Variants in NFATC3 observed in about 807,000 individuals in gnomAD.
NFATC3 encodes the protein nuclear factor of activated T-cells, cytoplasmic 3.
NFATC3 carries 46 observed loss-of-function variants against 98.6 expected under a neutral mutation model. That is an observed-to-expected ratio of 0.47 (90% CI 0.37 to 0.60). The LOEUF (loss-of-function observed/expected upper bound fraction) is 0.60, where lower values mean the gene tolerates loss of function less well. Among genes scored for constraint, NFATC3 ranks in the 20% least tolerant of loss-of-function variants. The probability of loss-of-function intolerance (pLI) is 0.00; values close to 1 mark genes in which losing one functional copy is unlikely to be tolerated. For missense variants in NFATC3, 1,256 were observed against 1,295.5 expected, an observed-to-expected ratio of 0.97 and a Z score of 0.47; for synonymous variants, 512 against 472.2, an observed-to-expected ratio of 1.08 and a Z score of -1.09.
rs1406183803 is a variant in NFATC3 at position 68,107,071 on chromosome 16, A to G, written c.104-14916A>G. Among the ~76,000 whole-genome samples, 3 of 152,134 alleles carry G rather than the reference A, an allele frequency of 2.0e-5. No homozygotes were observed. The South Asian group carries it at 6.2e-4, about 31-fold the overall frequency. On this transcript the variant is annotated intron_variant, in intron 1 of 9. Coordinates refer to ENST00000346183, the MANE Select transcript of NFATC3 (RefSeq NM_173165.3). ...AGGATAATGGCTTCCAGCTCCATCC[A>G]TGATCTCATTCTTTTTATGGCTGCA... is the stretch of plus-strand genomic sequence containing the variant.
At chr16:68,134,919 A>G (rs1015928139) in intron 3 of NFATC3, among the ~76,000 whole-genome samples, 2 of 152,194 alleles carry the variant, frequency 1.3e-5, no homozygotes, top group Non-Finnish European at 2.9e-5. Context: ...GTAATGTGGT[A>G]ACTTAATATT....
At chr16:68,092,552 G>C (rs768570237) in intron 1 of NFATC3, among the ~76,000 whole-genome samples, 11 of 116,798 alleles carry the variant, frequency 9.4e-5, no homozygotes, top group Non-Finnish European at 1.7e-4. Flanking sequence ...ACGAGGTCAG[G>C]AGTTCGAGAC....
At chr16:68,220,069 T>C (rs1250196126) in intron 9 of NFATC3, among the ~76,000 whole-genome samples, 1 of 152,246 alleles carries the variant, frequency 6.6e-6, no homozygotes, top group African/African-American at 2.4e-5. Flanking sequence ...TCTACTTTTG[T>C]TGTGGTGGCA....
At chr16:68,206,309 C>T (rs1251049761) in intron 9 of NFATC3, among the ~76,000 whole-genome samples, 1 of 152,146 alleles carries the variant, frequency 6.6e-6, no homozygotes, top group Admixed American at 6.6e-5. Context: ...TAAATACATT[C>T]ACAATATTGT....
chr16:68,094,607 C>T (rs1376703167), intron 1 of NFATC3, among the ~76,000 whole-genome samples: 1 of 151,932 alleles, frequency 6.6e-6, no homozygotes, highest in Non-Finnish European at 1.5e-5. Flanking sequence ...TTGTACATAC[C>T]CAGTTGTCTC....
At chr16:68,194,982 G>A (rs1049868815) in intron 9 of NFATC3, among the ~76,000 whole-genome samples, 3 of 152,064 alleles carry the variant, frequency 2.0e-5, no homozygotes, top group Non-Finnish European at 2.9e-5. Context: ...GCCAGGTGCC[G>A]TGGCTCATGC....
At chr16:68,210,574 C>G (rs921005180) in intron 9 of NFATC3, among the ~76,000 whole-genome samples, 1 of 152,032 alleles carries the variant, frequency 6.6e-6, no homozygotes, top group Admixed American at 6.6e-5. Flanking sequence ...CCATGTTGCC[C>G]ATGCCAGTCA....
chr16:68,123,497 C>CAAAAA (rs547564860), intron 2 of NFATC3, among the ~76,000 whole-genome samples: 4 of 73,852 alleles, frequency 5.4e-5, no homozygotes, highest in Non-Finnish European at 6.1e-5. Context: ...CCTGTCTCTA[C>CAAAAA]AAAAAAAAAA....
chr16:68,088,482 G>A (rs1024531770), intron 1 of NFATC3, among the ~76,000 whole-genome samples: 1 of 144,034 alleles, frequency 6.9e-6, no homozygotes, highest in East Asian at 2.0e-4. Flanking sequence ...TATATGTAGT[G>A]TATATAATAT....
chr16:68,138,572 G>A, intron 3 of NFATC3: 1 of 1,289,132 alleles, frequency 7.8e-7, no homozygotes, highest in Non-Finnish European at 1.0e-6. Context: ...CTGTCCATGG[G>A]AAAGAAGAAG....
chr16:68,218,640 T>C (rs1464266743), intron 9 of NFATC3, among the ~76,000 whole-genome samples: 2 of 151,082 alleles, frequency 1.3e-5, no homozygotes, highest in Non-Finnish European at 3.0e-5. Flanking sequence ...GTGTGCGATC[T>C]TGGCTCACTG....
intron 1 of NFATC3, among the ~76,000 whole-genome samples, chr16:68,097,434 T>A (rs1352510875): frequency 1.3e-5 from 2 of 152,224 alleles, no homozygotes; most frequent in Non-Finnish European, 2.9e-5. Context: ...ATTGGAAATA[T>A]AAGTGTAGAG....
chr16:68,198,186 C>T (rs1010392164), intron 9 of NFATC3, among the ~76,000 whole-genome samples: 2 of 152,034 alleles, frequency 1.3e-5, no homozygotes, highest in Non-Finnish European at 2.9e-5. Flanking sequence ...GGCAGGGTAG[C>T]ACGTGCCTGT....
intron 3 of NFATC3, among the ~76,000 whole-genome samples, chr16:68,142,500 G>A (rs1306725211): frequency 6.6e-6 from 1 of 152,094 alleles, no homozygotes; most frequent in Non-Finnish European, 1.5e-5. Flanking sequence ...ACTCACGCCT[G>A]TAATCCCAAC....
At chr16:68,174,914 C>A (rs934656710) in intron 6 of NFATC3, among the ~76,000 whole-genome samples, 1 of 152,188 alleles carries the variant, frequency 6.6e-6, no homozygotes, top group East Asian at 1.9e-4. Flanking sequence ...AGCAACTCTA[C>A]TCCTAAGTGT....
At chr16:68,118,033 C>G (rs1040724959) in intron 1 of NFATC3, among the ~76,000 whole-genome samples, 2 of 152,122 alleles carry the variant, frequency 1.3e-5, no homozygotes, top group Non-Finnish European at 2.9e-5. Flanking sequence ...CTAGCTCTAC[C>G]CTTTCAGTTG....
chr16:68,136,930 C>T (rs879408813), intron 3 of NFATC3, among the ~76,000 whole-genome samples: 4 of 152,010 alleles, frequency 2.6e-5, no homozygotes, highest in Non-Finnish European at 5.9e-5. Flanking sequence ...AAATAGTATA[C>T]CTGAATAGAG....
intron 1 of NFATC3, among the ~76,000 whole-genome samples, chr16:68,112,108 T>C (rs1200020077): frequency 1.3e-5 from 2 of 152,054 alleles, no homozygotes; most frequent in Non-Finnish European, 2.9e-5. Flanking sequence ...ATTGATCTTC[T>C]CATGGAGTAT....
intron 3 of NFATC3, among the ~76,000 whole-genome samples, chr16:68,151,582 A>T (rs2038321159): frequency 6.6e-6 from 1 of 152,204 alleles, no homozygotes; most frequent in Admixed American, 6.5e-5. Flanking sequence ...TGAGATGTAG[A>T]CTATTCACTT....
Sources: allele counts gnomAD v4.1 joint callset (sites outside exome capture counted in the v4.1 genomes callset), GRCh38; gene constraint gnomAD v4.1.1; transcripts MANE v1.5; gene names NCBI Gene and HGNC (gene_info 2026-07-23, HGNC 2026-07-21).